The following CTNND2 variants were observed in gnomAD, a reference collection of about 807,000 sequenced individuals.
CTNND2 encodes catenin delta 2, also known as catenin delta-2.
In CTNND2, 22 loss-of-function variants were observed where a neutral mutation model predicts 144.4. The observed-to-expected ratio is 0.15, with a 90% CI of 0.11 to 0.22. CTNND2 has a LOEUF of 0.22. CTNND2 is among the 10% of genes least tolerant of loss of function. CTNND2 has a pLI of 1.00. For synonymous variants in CTNND2, 751 were observed against 695.6 expected (o/e 1.08, Z -1.25); for missense variants, 1,353 against 1,618.8 (o/e 0.84, Z 2.82).
rs187563507 is a variant in CTNND2, at chr5:11,451,209, C to A, written c.288-39140G>T. Among the ~76,000 whole-genome samples, 860 of 152,024 alleles carry A rather than the reference C, an allele frequency of 5.7e-3. 4 individuals carry two copies. Among genetic ancestry groups the A allele is most frequent in the African/African-American group, 0.02 (833 of 41,498 alleles). On this transcript the variant is annotated intron_variant, in intron 3 of 21. Coordinates refer to ENST00000304623, the MANE Select transcript of CTNND2 (RefSeq NM_001332.4). Reference sequence around the variant, plus strand: ...TTGTTGGTGTATGTGGTATCTGTCCCGTAACGTCTTTGTCAATAATTTTTC... The same window carrying A: ...TTGTTGGTGTATGTGGTATCTGTCCAGTAACGTCTTTGTCAATAATTTTTC...
intron 11 of CTNND2, among the ~76,000 whole-genome samples, chr5:11,189,619 T>C (rs1736037401): frequency 6.6e-6 from 1 of 152,218 alleles, no homozygotes; most frequent in Admixed American, 6.5e-5. Context: ...ACATAAAATA[T>C]ATGTAAATTG....
chr5:11,570,991 A>C (rs920288244), intron 2 of CTNND2, among the ~76,000 whole-genome samples: 1 of 151,748 alleles, frequency 6.6e-6, no homozygotes, highest in African/African-American at 2.4e-5. Context: ...CAATTTAATC[A>C]TGTAAGTCTC....
intron 2 of CTNND2, among the ~76,000 whole-genome samples, chr5:11,639,398 C>G (rs1394343309): frequency 6.6e-6 from 1 of 152,154 alleles, no homozygotes; most frequent in Non-Finnish European, 1.5e-5. Flanking sequence ...GCAAGATCCC[C>G]AGGTGACTCA....
intron 3 of CTNND2, among the ~76,000 whole-genome samples, chr5:11,503,731 T>C (rs1329451798): frequency 6.6e-6 from 1 of 152,232 alleles, no homozygotes; most frequent in Non-Finnish European, 1.5e-5. Context: ...TTGAGCATTA[T>C]AATCTTTTCT....
chr5:10,992,294 C>T (rs929026598), intron 19 of CTNND2, among the ~76,000 whole-genome samples: 3 of 152,212 alleles, frequency 2.0e-5, no homozygotes, highest in African/African-American at 7.2e-5. Flanking sequence ...TTTCTTTATA[C>T]TCGTTCCTCC....
At chr5:11,251,891 C>T (rs1032836428) in intron 9 of CTNND2, among the ~76,000 whole-genome samples, 4 of 152,102 alleles carry the variant, frequency 2.6e-5, no homozygotes, top group African/African-American at 7.2e-5. Context: ...TGAAATGTAT[C>T]GTTTTATGAC....
chr5:11,317,626 G>T (rs188625475), intron 9 of CTNND2, among the ~76,000 whole-genome samples: 1 of 152,292 alleles, frequency 6.6e-6, no homozygotes, highest in East Asian at 1.9e-4. Context: ...TGAGTAAAGA[G>T]AGTATCTTTC....
intron 5 of CTNND2, among the ~76,000 whole-genome samples, chr5:11,405,046 G>A (rs527579192): frequency 6.6e-6 from 1 of 152,272 alleles, no homozygotes; most frequent in African/African-American, 2.4e-5. Flanking sequence ...GGCTGGCAGC[G>A]TCTTTGCTTT....
In CTNND2 at chr5:11,082,783, G is replaced by A. The variant is rs1749719053; in HGVS notation, c.2701C>T (p.Leu901Phe). The A allele has an allele frequency of 6.2e-7, 1 of 1,614,214 alleles. No homozygotes were observed. Among genetic ancestry groups the A allele is most frequent in the Non-Finnish European group, 8.5e-7 (1 of 1,180,044 alleles). ...ACCACACGGTCATTGTCTATTCGGA[G>A]CAGCTCCACGAGGATGGGCAGGCCT... ...EKGLPILVELLRIDNDRVVCA... is the reference protein window; with the variant it reads ...EKGLPILVELFRIDNDRVVCA... Residue 901 changes from leucine to phenylalanine, a missense_variant, in exon 16 of 22, where the codon CTC becomes TTC. By Grantham distance (22) the Leu-to-Phe change is conservative. This residue lies in a region of CTNND2 where 459 missense variants were observed against 674.3 expected (regional missense o/e 0.68). Transcript: ENST00000304623.
chr5:11,327,469 T>C (rs540888467), intron 9 of CTNND2, among the ~76,000 whole-genome samples: 1 of 152,324 alleles, frequency 6.6e-6, no homozygotes, highest in Non-Finnish European at 1.5e-5. Flanking sequence ...ACAAACTCTA[T>C]TACAACCTTC....
chr5:11,440,330 T>C (rs1380189121), intron 3 of CTNND2, among the ~76,000 whole-genome samples: 1 of 152,210 alleles, frequency 6.6e-6, no homozygotes, highest in Non-Finnish European at 1.5e-5. Flanking sequence ...GATGCTTTAA[T>C]TCTCCTCAAG....
chr5:11,200,179 G>A (rs796938850), intron 10 of CTNND2, among the ~76,000 whole-genome samples: 3 of 152,228 alleles, frequency 2.0e-5, no homozygotes, highest in South Asian at 2.1e-4. Context: ...GAAGACCCGC[G>A]GAAATAAGAA....
chr5:11,720,656 T>A (rs1383912320), intron 2 of CTNND2, among the ~76,000 whole-genome samples: 3 of 152,178 alleles, frequency 2.0e-5, no homozygotes, highest in Admixed American at 6.5e-5. Flanking sequence ...GCGACTCATG[T>A]TTGGGAGCTT....
intron 10 of CTNND2, among the ~76,000 whole-genome samples, chr5:11,221,857 A>T (rs1304664124): frequency 6.6e-6 from 1 of 152,190 alleles, no homozygotes. Context: ...AGAAAGGCCA[A>T]GGTTTTGCTG....
At chr5:11,274,506 A>T (rs1200138454) in intron 9 of CTNND2, among the ~76,000 whole-genome samples, 1 of 152,210 alleles carries the variant, frequency 6.6e-6, no homozygotes, top group Non-Finnish European at 1.5e-5. Context: ...TATCACATTG[A>T]AAACACATTT....
At chr5:11,494,390 CA>C (rs35448740) in intron 3 of CTNND2, among the ~76,000 whole-genome samples, 1 of 151,306 alleles carries the variant, frequency 6.6e-6, no homozygotes, top group Non-Finnish European at 1.5e-5. Flanking sequence ...CGTCTGTTTA[CA>C]AAAAAAGAGA....
chr5:11,893,818 C>T (rs1737181089), intron 1 of CTNND2, among the ~76,000 whole-genome samples: 1 of 152,158 alleles, frequency 6.6e-6, no homozygotes, highest in African/African-American at 2.4e-5. Context: ...ATTTATCACA[C>T]AACCCATGCT....
intron 5 of CTNND2, among the ~76,000 whole-genome samples, chr5:11,410,901 T>C (rs1487670076): frequency 2.0e-5 from 3 of 151,502 alleles, no homozygotes; most frequent in Non-Finnish European, 4.4e-5. Flanking sequence ...AGACGGAGTC[T>C]CCTTCTGTTG....
In CTNND2 at chr5:11,575,730, C is replaced by T. The variant is rs563659113; in HGVS notation, c.175-10674G>A. Among the ~76,000 whole-genome samples the T allele has an allele frequency of 3.3e-5, 5 of 152,204 alleles. No homozygotes were observed. The South Asian group carries it at 8.3e-4, about 25-fold the overall frequency. ...ACTTTGTTGGTCTCCTGTTCCTTCC[C>T]GCACAAACTCTTCTGATGGTTTCTG... On this transcript the variant is annotated intron_variant, in intron 2 of 21. Coordinates refer to ENST00000304623, the MANE Select transcript of CTNND2 (RefSeq NM_001332.4).
Sources: gnomAD v4.1 joint callset for allele counts (sites outside exome capture counted in the v4.1 genomes callset) on GRCh38, gnomAD v4.1.1 for gene constraint, gnomAD v4.1.1 regional missense constraint, MANE v1.5 for transcripts, NCBI Gene and HGNC (gene_info 2026-07-23, HGNC 2026-07-21) for gene names.